The following ENTREP2 variants were observed in gnomAD, a reference collection of about 807,000 sequenced individuals.
ENTREP2 encodes the protein protein ENTREP2.
At chr15:29,442,623 G>A in the ENTREP2 span, among the ~76,000 whole-genome samples, 3 of 152,162 alleles carry the variant, frequency 2.0e-5, no homozygotes, top group Non-Finnish European at 2.9e-5. Flanking sequence ...AGGGCATGCT[G>A]TCACTTCCTC....
At chr15:29,576,507 A>T in the ENTREP2 span, among the ~76,000 whole-genome samples, 4 of 152,244 alleles carry the variant, frequency 2.6e-5, no homozygotes, top group Non-Finnish European at 5.9e-5. Context: ...TTGTACATCA[A>T]AGCACATTGT....
chr15:29,567,636 G>A, the ENTREP2 span, among the ~76,000 whole-genome samples: 3 of 152,156 alleles, frequency 2.0e-5, no homozygotes, highest in Non-Finnish European at 4.4e-5. Flanking sequence ...AGGCAAATCA[G>A]AGGCCCAGTC....
At chr15:29,283,823 T>A in the ENTREP2 span, among the ~76,000 whole-genome samples, 5 of 152,324 alleles carry the variant, frequency 3.3e-5, no homozygotes, top group East Asian at 1.9e-4. Context: ...TGATTTTTTT[T>A]ATTGTTTTGT....
At chr15:29,380,239 C>T in the ENTREP2 span, among the ~76,000 whole-genome samples, 10 of 152,018 alleles carry the variant, frequency 6.6e-5, no homozygotes, top group East Asian at 1.9e-4. Context: ...TTATATGAGC[C>T]GAGATACAGC....
chr15:29,506,105 C>T, the ENTREP2 span, among the ~76,000 whole-genome samples: 1 of 151,926 alleles, frequency 6.6e-6, no homozygotes, highest in Non-Finnish European at 1.5e-5. Context: ...ACGAGAACTT[C>T]GTGAAGCATA....
At chr15:29,321,106 A>G in the ENTREP2 span, among the ~76,000 whole-genome samples, 1 of 152,122 alleles carries the variant, frequency 6.6e-6, no homozygotes, top group Non-Finnish European at 1.5e-5. Context: ...AGCTTGGAGA[A>G]CCCAAACAGG....
At chr15:29,517,964 C>T in the ENTREP2 span, among the ~76,000 whole-genome samples, 2 of 152,110 alleles carry the variant, frequency 1.3e-5, no homozygotes, top group Non-Finnish European at 2.9e-5. Context: ...CTGCTGGGTG[C>T]GGTGGTTCAT....
chr15:29,665,611 C>T, the ENTREP2 span, among the ~76,000 whole-genome samples: 23 of 152,214 alleles, frequency 1.5e-4, no homozygotes, highest in Non-Finnish European at 3.4e-4. Context: ...CTCTGAGGAG[C>T]TGGCTGAGAT....
At chr15:29,610,520 G>A in the ENTREP2 span, 3 of 150,540 alleles carry the variant, frequency 2.0e-5, no homozygotes, top group Non-Finnish European at 4.4e-5. Flanking sequence ...TAGCAAAAGC[G>A]GTGTGCATTG....
At chr15:29,175,460 C>CATGA in the ENTREP2 span, among the ~76,000 whole-genome samples, 2 of 152,216 alleles carry the variant, frequency 1.3e-5, no homozygotes, top group Non-Finnish European at 2.9e-5. Flanking sequence ...AGGCCTCATG[C>CATGA]ATGAATGCTT....
the ENTREP2 span, among the ~76,000 whole-genome samples, chr15:29,273,626 T>C: frequency 0.045 from 6,912 of 152,154 alleles, 529 homozygotes; most frequent in African/African-American, 0.16. Context: ...TTTCAGTAAG[T>C]GGACTAGGAG....
At chr15:29,632,780 GC>G in the ENTREP2 span, among the ~76,000 whole-genome samples, 1 of 152,204 alleles carries the variant, frequency 6.6e-6, no homozygotes, top group Admixed American at 6.5e-5. Flanking sequence ...CCAAGAGCAA[GC>G]CGCAAAGGTC....
chr15:29,187,154 T>C, the ENTREP2 span, among the ~76,000 whole-genome samples: 1 of 152,208 alleles, frequency 6.6e-6, no homozygotes, highest in Non-Finnish European at 1.5e-5. Flanking sequence ...AACAAAATAA[T>C]GGCTCTCTTT....
At chr15:29,191,868 C>G in the ENTREP2 span, among the ~76,000 whole-genome samples, 1 of 152,166 alleles carries the variant, frequency 6.6e-6, no homozygotes, top group African/African-American at 2.4e-5. Context: ...GAGCCGTGAT[C>G]ACGCCACTGC....
the ENTREP2 span, among the ~76,000 whole-genome samples, chr15:29,177,179 C>A: frequency 6.6e-6 from 1 of 152,086 alleles, no homozygotes; most frequent in South Asian, 2.1e-4. Flanking sequence ...CCTCTGGGAG[C>A]GGCTGGGGGA....
the ENTREP2 span, among the ~76,000 whole-genome samples, chr15:29,452,199 C>A: frequency 5.9e-5 from 9 of 152,270 alleles, no homozygotes; most frequent in East Asian, 1.7e-3. Context: ...CTAGTGTTAC[C>A]CACAACCATC....
the ENTREP2 span, among the ~76,000 whole-genome samples, chr15:29,357,375 A>G: frequency 4.6e-5 from 7 of 152,332 alleles, no homozygotes; most frequent in South Asian, 2.1e-4. Context: ...GAAAAATGAC[A>G]TGGTAAGTCA....
the ENTREP2 span, among the ~76,000 whole-genome samples, chr15:29,200,332 T>C: frequency 6.6e-6 from 1 of 152,042 alleles, no homozygotes; most frequent in African/African-American, 2.4e-5. Context: ...CACGCCACCA[T>C]GCCTAGCTAA....
chr15:29,210,492 A>T, the ENTREP2 span, among the ~76,000 whole-genome samples: 1 of 152,226 alleles, frequency 6.6e-6, no homozygotes, highest in South Asian at 2.1e-4. Flanking sequence ...TCAGATCATC[A>T]GCAGCATTAT....
Sources: allele counts gnomAD v4.1 joint callset (sites outside exome capture counted in the v4.1 genomes callset), GRCh38; gene constraint gnomAD v4.1.1; transcripts MANE v1.5; gene names NCBI Gene and HGNC (gene_info 2026-07-23, HGNC 2026-07-21).